The following PIEZO2 variants were observed in gnomAD, a reference collection of about 807,000 sequenced individuals.
The protein encoded by PIEZO2 is piezo type mechanosensitive ion channel component 2.
A neutral mutation model predicts 337.3 loss-of-function variants in PIEZO2; 172 were observed. The ratio of observed to expected loss-of-function variants is 0.51; its 90% CI spans 0.45 to 0.58. The LOEUF (loss-of-function observed/expected upper bound fraction) is 0.58. Ranked by LOEUF, PIEZO2 falls within the 20% of genes least tolerant of loss-of-function variation. PIEZO2 has a pLI of 0.00. For missense variants in PIEZO2, 3,028 were observed against 3,391.3 expected (o/e 0.89, Z 2.66); for synonymous variants, 1,251 against 1,228.5 (o/e 1.02, Z -0.38).
At position 11,143,459 on chromosome 18, in the gene PIEZO2, G is replaced by A. The variant is rs2040713577; in HGVS notation, c.64+5066C>T. Among the ~76,000 whole-genome samples the A allele has an allele frequency of 6.6e-6, 1 of 151,968 alleles. No individual in the cohort carries two copies. Among genetic ancestry groups the A allele is most frequent in the African/African-American group, 2.4e-5 (1 of 41,384 alleles). ...ATGGTGCTGAAAAACAAAAGCAAAC[G>A]TTAACAGTATTGATCTAGTGAGAAC... On this transcript the variant is annotated intron_variant, in intron 1 of 55. Transcript: ENST00000674853. The surrounding 1 kb of genome is among the most constrained non-coding windows in gnomAD (Gnocchi z 4.9).
chr18:10,761,688 T>A (rs2038140914), intron 23 of PIEZO2, among the ~76,000 whole-genome samples: 1 of 152,204 alleles, frequency 6.6e-6, no homozygotes, highest in African/African-American at 2.4e-5. Context: ...CAAATACCAA[T>A]TTGCTTTATC....
intron 1 of PIEZO2, among the ~76,000 whole-genome samples, chr18:11,076,218 T>C (rs866844781): frequency 6.6e-6 from 1 of 152,246 alleles, no homozygotes; most frequent in South Asian, 2.1e-4. Context: ...ATCAGTCAAG[T>C]ATTCCTCACA....
intron 28 of PIEZO2, among the ~76,000 whole-genome samples, chr18:10,751,995 G>A (rs1431326842): frequency 1.3e-5 from 2 of 152,144 alleles, no homozygotes; most frequent in Non-Finnish European, 2.9e-5. Flanking sequence ...GGCCTGGTGC[G>A]GGTTGTGGGG....
At chr18:10,705,167 C>T (rs1211141987) in intron 41 of PIEZO2, among the ~76,000 whole-genome samples, 169 bp downstream of exon 41, 4 of 152,134 alleles carry the variant, frequency 2.6e-5, no homozygotes, top group East Asian at 1.9e-4. Context: ...ATGGTAGGAG[C>T]GAAGTTTGCT....
intron 5 of PIEZO2, among the ~76,000 whole-genome samples, chr18:10,858,883 A>T (rs1363491746): frequency 1.3e-5 from 2 of 152,142 alleles, no homozygotes; most frequent in East Asian, 3.8e-4. Flanking sequence ...TTTCATCATG[A>T]CACATTTGTA....
intron 32 of PIEZO2, among the ~76,000 whole-genome samples, 189 bp downstream of exon 32, chr18:10,742,305 T>A (rs1598423381): frequency 6.6e-6 from 1 of 152,212 alleles, no homozygotes; most frequent in East Asian, 1.9e-4. Flanking sequence ...ACTAATTGAT[T>A]TATCAAATAC....
chr18:10,697,775 A>G lies in PIEZO2; in HGVS notation c.6800T>C (p.Ile2267Thr). ...CTTTATGGTAAAGGCTTTTGCTTTG[A>G]TTAAATGTTCTTGAAGCTTTTCCAT... Reference protein sequence around the residue: ...LYMEKLQEHLIKAKAFTIKKT... With the variant: ...LYMEKLQEHLTKAKAFTIKKT... The change falls in exon 45 of 56, where the codon ATC (isoleucine) becomes ACC (threonine). Residue 2267 changes from isoleucine to threonine, a missense_variant. Physicochemically the swap from Ile to Thr is moderately conservative, Grantham distance 89. This residue lies in a region of PIEZO2 where 1,925 missense variants were observed against 2,051.9 expected (regional missense o/e 0.94). Coordinates refer to ENST00000674853, the MANE Select transcript of PIEZO2 (RefSeq NM_001378183.1). 1 of 1,614,140 alleles carries G rather than the reference A, an allele frequency of 6.2e-7. No homozygotes were observed. The highest frequency in any genetic ancestry group is 8.5e-7 in the Non-Finnish European group (1 of 1,180,036).
intron 47 of PIEZO2, among the ~76,000 whole-genome samples, chr18:10,691,688 C>T (rs943033024): frequency 6.7e-6 from 1 of 150,020 alleles, no homozygotes; most frequent in African/African-American, 2.5e-5. Flanking sequence ...GTAGATGATG[C>T]AGCTACCATA....
Position 10,800,466 on chromosome 18 carries a change from C to G in PIEZO2, c.1249G>C (p.Val417Leu), listed in dbSNP as rs369473273. ...TCCACGGGGTTGCCGTTCACAGTCA[C>G]CAGCAGGCCCTGCCGGGAGTGCAGA... Reference protein sequence around the residue: ...DDYKPSDGLLVTVNGNPVDYH... With the variant: ...DDYKPSDGLLLTVNGNPVDYH... The change falls in exon 11 of 56, where the codon GTG becomes CTG. Residue 417 changes from valine to leucine, a missense_variant. Physicochemically the swap from Val to Leu is conservative, Grantham distance 32 (BLOSUM62 1). Transcript: ENST00000674853. 2.5e-4 allele frequency: 390 copies of G among 1,530,136 alleles called. No homozygotes were observed. In the African/African-American group the frequency reaches 5.0e-3, roughly 19 times the overall value. The allele number at this position is 1,530,136 out of a possible 1,614,324, so 94.8% of individuals were successfully genotyped here.
At position 11,128,217 on chromosome 18, in the gene PIEZO2, G is replaced by A. The variant is rs1264599807; in HGVS notation, c.64+20308C>T. On this transcript the variant is annotated intron_variant, in intron 1 of 55. Coordinates refer to ENST00000674853, the MANE Select transcript of PIEZO2 (RefSeq NM_001378183.1). This position sits in a 1 kb window ranked among gnomAD's most constrained non-coding sequence, Gnocchi z 4.1. ...GTGATGAAAGAAAATGATGAACTCAGGGATTCTGTCTCCAGGCTTCAGAAG... is the reference window on the plus strand; with the variant it reads ...GTGATGAAAGAAAATGATGAACTCAAGGATTCTGTCTCCAGGCTTCAGAAG... 6.6e-6 allele frequency among the ~76,000 whole-genome samples: 1 copy of A among 152,100 alleles called. No homozygotes were observed. Among genetic ancestry groups the A allele is most frequent in the Non-Finnish European group, 1.5e-5 (1 of 68,002 alleles).
intron 3 of PIEZO2, among the ~76,000 whole-genome samples, chr18:10,920,614 G>A (rs532980364): frequency 3.9e-4 from 59 of 152,246 alleles, no homozygotes; most frequent in African/African-American, 1.4e-3. Flanking sequence ...AGGTTTCCAT[G>A]ACTTCAAGTT....
intron 2 of PIEZO2, among the ~76,000 whole-genome samples, chr18:10,985,714 A>T (rs1015403838): frequency 6.6e-6 from 1 of 151,958 alleles, no homozygotes; most frequent in Non-Finnish European, 1.5e-5. Flanking sequence ...ATAATTACAA[A>T]AGACAAACCT....
At chr18:11,079,596 T>C (rs1304182949) in intron 1 of PIEZO2, among the ~76,000 whole-genome samples, 1 of 152,182 alleles carries the variant, frequency 6.6e-6, no homozygotes, top group Non-Finnish European at 1.5e-5. Flanking sequence ...ATTACTCCAG[T>C]CTCTACTCCA....
At position 10,895,624 on chromosome 18, in the gene PIEZO2, C is replaced by T. The variant is rs185396208; in HGVS notation, c.329+15562G>A. Among the ~76,000 whole-genome samples, 142 of 152,236 alleles carry T rather than the reference C, an allele frequency of 9.3e-4. 1 individual carries two copies. Among genetic ancestry groups the T allele is most frequent in the Non-Finnish European group, 1.9e-3 (127 of 68,016 alleles). ...GGTTGGTGATTGTGGGGTTGCCTCA[C>T]TCAGGATTTGCATTGGAGTGATCCT... On this transcript the variant is annotated intron_variant, in intron 4 of 55. Coordinates refer to ENST00000674853, the MANE Select transcript of PIEZO2 (RefSeq NM_001378183.1). This position sits in a 1 kb window ranked among gnomAD's most constrained non-coding sequence, Gnocchi z 4.8.
At position 10,750,495 on chromosome 18, in the gene PIEZO2, G is replaced by A. The variant is rs1007795385; in HGVS notation, c.4168-308C>T. On this transcript the variant is annotated intron_variant, in intron 28 of 55. Transcript: ENST00000674853. This position sits in a 1 kb window ranked among gnomAD's most constrained non-coding sequence, Gnocchi z 4.1. The stretch of plus-strand genomic sequence containing the variant: ...AAATAAATCCCAACTCTGTGATAAT[G>A]AATGGGTGTGCACTGAACCCTAGAA... Among the ~76,000 whole-genome samples the A allele has an allele frequency of 1.4e-4, 22 of 152,334 alleles. No homozygotes were observed. The highest frequency in any genetic ancestry group is 4.8e-4 in the African/African-American group (20 of 41,586).
chr18:10,809,811 T>C (rs779022001), intron 7 of PIEZO2, among the ~76,000 whole-genome samples: 2 of 152,150 alleles, frequency 1.3e-5, no homozygotes, highest in African/African-American at 4.8e-5. Flanking sequence ...CTGTCTACAC[T>C]AAGGCCATGT....
chr18:10,916,612 C>T (rs1249447101), intron 3 of PIEZO2, among the ~76,000 whole-genome samples: 3 of 152,164 alleles, frequency 2.0e-5, no homozygotes, highest in African/African-American at 7.2e-5. Context: ...ATCTAGAACT[C>T]GCGTCGGCCG....
intron 7 of PIEZO2, among the ~76,000 whole-genome samples, chr18:10,820,886 T>G (rs2040502049): frequency 6.6e-6 from 1 of 152,190 alleles, no homozygotes; most frequent in Non-Finnish European, 1.5e-5. Context: ...AGTAGAAGAA[T>G]TCTTCACTCT....
intron 2 of PIEZO2, among the ~76,000 whole-genome samples, chr18:10,994,400 CTT>C (rs71169965): frequency 7.6e-4 from 109 of 143,214 alleles, no homozygotes; most frequent in African/African-American, 1.0e-3. Context: ...TTTGTTCTTT[CTT>C]TTTTTTTTTT....
Sources: allele counts gnomAD v4.1 joint callset (sites outside exome capture counted in the v4.1 genomes callset), GRCh38; gene constraint gnomAD v4.1.1; regional missense constraint gnomAD v4.1.1; non-coding constraint Gnocchi (gnomAD v3.1); transcripts MANE v1.5; gene names NCBI Gene and HGNC (gene_info 2026-07-23, HGNC 2026-07-21).